The following TASOR variants were observed in gnomAD, a reference collection of about 807,000 sequenced individuals.
The protein encoded by TASOR is transcription activation suppressor.
A neutral mutation model predicts 178.6 loss-of-function variants in TASOR; 53 were observed. The observed-to-expected ratio is 0.30, with a 90% confidence interval of 0.24 to 0.37. The LOEUF (loss-of-function observed/expected upper bound fraction) is 0.37. TASOR is among the 10% of genes least tolerant of loss of function. The pLI is 1.00. For synonymous variants in TASOR, 713 were observed against 696.2 expected (o/e 1.02, Z -0.38); for missense variants, 1,815 against 1,971.4 (o/e 0.92, Z 1.50).
At chr3:56,625,102 C>T in intron 21 of TASOR, 96 bp from the exon 22 acceptor site, 3 of 1,031,934 alleles carry the variant, frequency 2.9e-6, no homozygotes, top group East Asian at 2.4e-5. Context: ...TCCACTGAGG[C>T]AACTAATGAC....
At chr3:56,680,254 G>C (rs565371766) in intron 1 of TASOR, among the ~76,000 whole-genome samples, 1 of 152,090 alleles carries the variant, frequency 6.6e-6, no homozygotes, top group Non-Finnish European at 1.5e-5. Flanking sequence ...TGTAAAATGG[G>C]AATAGTACCT....
intron 17 of TASOR, among the ~76,000 whole-genome samples, chr3:56,635,376 T>A (rs2076995167): frequency 6.6e-6 from 1 of 152,326 alleles, no homozygotes; most frequent in East Asian, 1.9e-4. Flanking sequence ...TTAGGAGTAC[T>A]AAATATCCTG....
chr3:56,641,607 T>G lies in TASOR; in HGVS notation c.2361A>C (p.Ala787=). ...ETLANARHSD[A]SLTDTVNKAL... ...CTTTGTTGACTGTGTCTGTCAGAGA[T>G]GCATCAGAATGGCGCGCATTTGCTA... The change falls in exon 15 of 24, where the codon GCA becomes GCC. Residue 787 remains alanine, a synonymous_variant. Coordinates refer to ENST00000683822, the MANE Select transcript of TASOR (RefSeq NM_001365635.2). 1 of 1,614,158 alleles carries G rather than the reference T, an allele frequency of 6.2e-7. No individual in the cohort carries two copies. The highest frequency in any genetic ancestry group is 8.5e-7 in the Non-Finnish European group (1 of 1,180,028).
intron 11 of TASOR, among the ~76,000 whole-genome samples, chr3:56,654,039 G>A (rs1462073753): frequency 1.3e-5 from 2 of 152,180 alleles, no homozygotes; most frequent in Admixed American, 6.5e-5. Flanking sequence ...GGCCGAGGCA[G>A]GCAGATCACT....
In TASOR at chr3:56,620,417, T is replaced by TAACA. The variant is rs1559794384; in HGVS notation, c.*2616_*2619dup. 1.3e-5 allele frequency: 2 copies of TAACA among 153,504 alleles called. No homozygotes were observed. Among genetic ancestry groups the TAACA allele is most frequent in the South Asian group, 2.0e-4 (1 of 4,880 alleles). The allele number at this position is 153,504 out of a possible 1,614,324, so 9.5% of individuals were successfully genotyped here. On this transcript the variant is annotated 3_prime_UTR_variant, in exon 24 of 24. Coordinates refer to ENST00000683822, the MANE Select transcript of TASOR (RefSeq NM_001365635.2). ...TTGCTCTCTGATTAAAACAAACAGG[T>TAACA]AACATCCTTACACCTTTGCTCCATC...
chr3:56,627,457 TAATAAAAGCTC>T, intron 20 of TASOR, 114 bp downstream of exon 20: 1 of 1,050,090 alleles, frequency 9.5e-7, no homozygotes, highest in Non-Finnish European at 1.4e-6. Flanking sequence ...AAATTTGAGG[TAATAAAAGCTC>T]AAGAAAAGAC....
At chr3:56,655,976 G>C (rs2077460467) in intron 11 of TASOR, among the ~76,000 whole-genome samples, 1 of 152,154 alleles carries the variant, frequency 6.6e-6, no homozygotes, top group Non-Finnish European at 1.5e-5. Context: ...TGCAGCATTA[G>C]GCTACTACTG....
At chr3:56,630,066 C>T (rs2076877354) in intron 18 of TASOR, among the ~76,000 whole-genome samples, 1 of 151,694 alleles carries the variant, frequency 6.6e-6, no homozygotes, top group South Asian at 2.1e-4. Flanking sequence ...CCTGGGTTCA[C>T]ACCATTCTCC....
At chr3:56,623,603 A>G (rs759157601) in intron 23 of TASOR, 37 bp from the exon 24 acceptor site, 3 of 1,545,674 alleles carry the variant, frequency 1.9e-6, no homozygotes. Context: ...CTCTATTGAA[A>G]TACACAGTTT....
At chr3:56,659,510 TA>T (rs2077547642) in intron 11 of TASOR, among the ~76,000 whole-genome samples, 1 of 152,216 alleles carries the variant, frequency 6.6e-6, no homozygotes, top group Non-Finnish European at 1.5e-5. Flanking sequence ...GCTTCAGTAT[TA>T]AATTGGACCT....
At chr3:56,634,070 C>T (rs1392173692) in intron 17 of TASOR, 104 bp from the exon 18 acceptor site, 1 of 863,120 alleles carries the variant, frequency 1.2e-6, no homozygotes, top group African/African-American at 1.7e-5. Flanking sequence ...ACATTTAGAA[C>T]TAATTATATA....
intron 20 of TASOR, 137 bp from the exon 21 acceptor site, chr3:56,627,282 G>GA (rs2076819841): frequency 1.6e-6 from 1 of 638,050 alleles, no homozygotes; most frequent in South Asian, 2.0e-5. Context: ...TTGTCTAAGG[G>GA]AGACAGATCT....
At chr3:56,670,827 C>T (rs991571460) in intron 3 of TASOR, among the ~76,000 whole-genome samples, 4 of 148,776 alleles carry the variant, frequency 2.7e-5, no homozygotes, top group Non-Finnish European at 4.4e-5. Flanking sequence ...ATCCCAGCTA[C>T]TCGGGAGGCT....
At chr3:56,668,748 C>T (rs1266330542) in intron 5 of TASOR, among the ~76,000 whole-genome samples, 190 bp from the exon 6 acceptor site, 2 of 151,834 alleles carry the variant, frequency 1.3e-5, no homozygotes, top group Non-Finnish European at 1.5e-5. Flanking sequence ...CCAAGGCAGG[C>T]GGATCACCTG....
At chr3:56,639,347 TA>T (rs2077076237) in intron 16 of TASOR, among the ~76,000 whole-genome samples, 1 of 151,978 alleles carries the variant, frequency 6.6e-6, no homozygotes, top group Admixed American at 6.6e-5. Flanking sequence ...CAACTTGGAA[TA>T]TTAAGAGTAT....
At chr3:56,673,452 A>T (rs1057284119) in intron 2 of TASOR, 128 bp downstream of exon 2, 1 of 688,604 alleles carries the variant, frequency 1.5e-6, no homozygotes, top group Non-Finnish European at 2.2e-6. Context: ...AAAAAAAAAA[A>T]AAAAAACTTG....
Position 56,671,268 on chromosome 3 carries a change from GA to G in TASOR, c.570+331del. 3 of 172,954 alleles carry G rather than the reference GA, an allele frequency of 1.7e-5. No homozygotes were observed. In the East Asian group the frequency reaches 4.9e-4, roughly 28 times the overall value. 10.7% of individuals were successfully genotyped at this position (172,954 alleles called of 1,614,324 possible). ...GCAGGAGAATCGCTTGAACTCAGGA[GA>G]CAGAGGTCGCAGTGAGCCAAGATCA... is the stretch of plus-strand genomic sequence containing the variant. On this transcript the variant is annotated intron_variant, in intron 3 of 23. Coordinates refer to ENST00000683822, the MANE Select transcript of TASOR (RefSeq NM_001365635.2).
chr3:56,670,939 T>TAAAAAAAAAA (rs1433057207), intron 3 of TASOR, among the ~76,000 whole-genome samples: 1 of 32,758 alleles, frequency 3.1e-5, no homozygotes, highest in African/African-American at 2.6e-4. Context: ...AGACTCCATC[T>TAAAAAAAAAA]CAAAAAAAAA....
intron 16 of TASOR, among the ~76,000 whole-genome samples, chr3:56,639,732 A>C (rs2077084983): frequency 6.6e-6 from 1 of 151,718 alleles, no homozygotes; most frequent in Non-Finnish European, 1.5e-5. Context: ...CTGCATGCTA[A>C]ACTCCATAGA....
Sources: allele counts gnomAD v4.1 joint callset (sites outside exome capture counted in the v4.1 genomes callset), GRCh38; gene constraint gnomAD v4.1.1; transcripts MANE v1.5; gene names NCBI Gene and HGNC (gene_info 2026-07-23, HGNC 2026-07-21).